The following ADGRL3 variants were observed in gnomAD, a reference collection of about 807,000 sequenced individuals.
ADGRL3 encodes the protein adhesion G protein-coupled receptor L3, also known as calcium-independent alpha-latrotoxin receptor 3.
In ADGRL3, 62 loss-of-function variants were observed where a neutral mutation model predicts 153.5. The observed-to-expected ratio is 0.40, with a 90% CI of 0.33 to 0.50. The LOEUF (loss-of-function observed/expected upper bound fraction) is 0.50. ADGRL3 is among the 20% of genes least tolerant of loss of function. ADGRL3 has a pLI of 0.47. For synonymous variants in ADGRL3, 710 were observed against 672.5 expected (o/e 1.06, Z -0.86); for missense variants, 1,641 against 1,859.4 (o/e 0.88, Z 2.16).
chr4:61,336,241 T>C (rs1377349676), intron 1 of ADGRL3, among the ~76,000 whole-genome samples: 2 of 152,154 alleles, frequency 1.3e-5, no homozygotes, highest in Non-Finnish European at 2.9e-5. Context: ...ATCCAAACAA[T>C]TAGTTTCCCC....
chr4:61,790,482 A>G (rs968617800), intron 8 of ADGRL3, among the ~76,000 whole-genome samples: 2 of 152,210 alleles, frequency 1.3e-5, no homozygotes, highest in African/African-American at 4.8e-5. Flanking sequence ...TAAATTAGGA[A>G]CAGTAAAAGA....
intron 19 of ADGRL3, among the ~76,000 whole-genome samples, chr4:61,989,109 G>A (rs2099095455): frequency 6.6e-6 from 1 of 151,982 alleles, no homozygotes; most frequent in African/African-American, 2.4e-5. Context: ...AATCATGTAG[G>A]TAGAAAAGTG....
Position 62,070,261 on chromosome 4 carries a change from C to T in ADGRL3, c.3985C>T (p.Leu1329=), listed in dbSNP as rs1480119906. 1.9e-6 allele frequency: 3 copies of T among 1,605,876 alleles called. No homozygotes were observed. Among genetic ancestry groups the T allele is most frequent in the Admixed American group, 1.7e-5 (1 of 58,522 alleles). ...TGGCTATAACCATAACGAGACCGCC[C>T]TAGAGAAAAAGATTCTGAAGGAACT... ...DRGYNHNETA[L]EKKILKELTS... is the part of the protein sequence containing the mutation. The change falls in exon 27 of 27, where the codon CTA becomes TTA. Residue 1329 remains leucine, a synonymous_variant. Coordinates refer to ENST00000683033, the MANE Select transcript of ADGRL3 (RefSeq NM_001387552.1).
intron 24 of ADGRL3, among the ~76,000 whole-genome samples, chr4:62,041,889 C>T (rs1470517875): frequency 1.3e-5 from 2 of 152,108 alleles, no homozygotes; most frequent in South Asian, 2.1e-4. Context: ...GAGTTGTTAA[C>T]CTCCTGCACT....
At chr4:62,008,499 T>G (rs1018619577) in intron 21 of ADGRL3, among the ~76,000 whole-genome samples, 1 of 152,124 alleles carries the variant, frequency 6.6e-6, no homozygotes, top group African/African-American at 2.4e-5. Context: ...AGTAGATGTT[T>G]TCTTTTAAAG....
chr4:61,865,548 C>T (rs541769574), intron 9 of ADGRL3, among the ~76,000 whole-genome samples: 1 of 152,292 alleles, frequency 6.6e-6, no homozygotes. Flanking sequence ...GCACCACAAA[C>T]ATTACTTTTA....
chr4:62,033,928 T>G (rs1290342372), intron 23 of ADGRL3, among the ~76,000 whole-genome samples: 1 of 151,804 alleles, frequency 6.6e-6, no homozygotes, highest in East Asian at 1.9e-4. Flanking sequence ...TTGAGTATTT[T>G]TTTATTAGCC....
At chr4:61,748,607 G>A (rs1044070412) in intron 8 of ADGRL3, among the ~76,000 whole-genome samples, 1 of 152,138 alleles carries the variant, frequency 6.6e-6, no homozygotes, top group Non-Finnish European at 1.5e-5. Context: ...CAAGCAACGG[G>A]TAAAGGATTC....
chr4:61,830,259 G>A (rs1259959333), intron 9 of ADGRL3, among the ~76,000 whole-genome samples: 1 of 152,056 alleles, frequency 6.6e-6, no homozygotes, highest in Non-Finnish European at 1.5e-5. Flanking sequence ...TAGCTACTCA[G>A]GAGGCTAAGG....
At chr4:61,440,212 C>T (rs1200775030) in intron 2 of ADGRL3, among the ~76,000 whole-genome samples, 1 of 151,982 alleles carries the variant, frequency 6.6e-6, no homozygotes, top group African/African-American at 2.4e-5. Context: ...CCACACCTGG[C>T]TAATTTTTGT....
chr4:61,354,984 C>T (rs561568700), intron 1 of ADGRL3, among the ~76,000 whole-genome samples: 1 of 152,126 alleles, frequency 6.6e-6, no homozygotes, highest in Admixed American at 6.5e-5. Context: ...GTTCAATGGA[C>T]CAGAATAATT....
chr4:61,805,358 G>T (rs1370167611), intron 8 of ADGRL3, among the ~76,000 whole-genome samples: 5 of 152,086 alleles, frequency 3.3e-5, no homozygotes, highest in Admixed American at 2.6e-4. Flanking sequence ...TTCTTAGCCT[G>T]CCAAGATAGG....
intron 5 of ADGRL3, among the ~76,000 whole-genome samples, chr4:61,634,033 A>T (rs576052660): frequency 2.0e-5 from 3 of 152,150 alleles, no homozygotes; most frequent in African/African-American, 7.2e-5. Flanking sequence ...TGGAGATGTA[A>T]CTTGATAACA....
chr4:62,047,942 A>C (rs990664510), intron 25 of ADGRL3, among the ~76,000 whole-genome samples: 4 of 152,116 alleles, frequency 2.6e-5, no homozygotes, highest in African/African-American at 9.7e-5. Flanking sequence ...GATTATAGAG[A>C]GTTTCAACAA....
chr4:61,443,152 C>T (rs945779971), intron 2 of ADGRL3, among the ~76,000 whole-genome samples: 10 of 152,104 alleles, frequency 6.6e-5, no homozygotes, highest in African/African-American at 1.4e-4. Flanking sequence ...TCTCAACTAA[C>T]GGCCATTTAG....
intron 5 of ADGRL3, among the ~76,000 whole-genome samples, chr4:61,648,349 C>CT (rs34166403): frequency 0.11 from 10,689 of 99,642 alleles, 1,010 homozygotes; most frequent in East Asian, 0.32. Flanking sequence ...ATGAAATCGG[C>CT]TTTTTTTTTT....
At chr4:61,644,436 A>C (rs2093857648) in intron 5 of ADGRL3, among the ~76,000 whole-genome samples, 1 of 152,102 alleles carries the variant, frequency 6.6e-6, no homozygotes, top group South Asian at 2.1e-4. Context: ...TAGCGCTATA[A>C]ATTTCCCTAT....
At chr4:61,399,358 C>G (rs529116111) in intron 2 of ADGRL3, among the ~76,000 whole-genome samples, 1 of 151,472 alleles carries the variant, frequency 6.6e-6, no homozygotes, top group African/African-American at 2.4e-5. Context: ...TGAAAGTTTA[C>G]GTTAAGATAC....
intron 1 of ADGRL3, among the ~76,000 whole-genome samples, chr4:61,343,173 C>A (rs746912764): frequency 6.6e-6 from 1 of 152,094 alleles, no homozygotes; most frequent in Non-Finnish European, 1.5e-5. Flanking sequence ...CAATTCAAGA[C>A]GAGATTTGGG....
Sources: allele counts gnomAD v4.1 joint callset (sites outside exome capture counted in the v4.1 genomes callset), GRCh38; gene constraint gnomAD v4.1.1; transcripts MANE v1.5; gene names NCBI Gene and HGNC (gene_info 2026-07-23, HGNC 2026-07-21).